The following UBE2D2 variants were observed in gnomAD, a reference collection of about 807,000 sequenced individuals.
The protein encoded by UBE2D2 is ubiquitin-conjugating enzyme E2 D2.
Under a neutral mutation model 24.2 loss-of-function variants are expected in UBE2D2, and 2 were observed. That is an observed-to-expected ratio of 0.08 (90% CI 0.03 to 0.26). The LOEUF (loss-of-function observed/expected upper bound fraction) is 0.26. Among genes scored for constraint, UBE2D2 ranks in the 10% least tolerant of loss-of-function variants. The pLI is 1.00. For synonymous variants in UBE2D2, 58 were observed against 56.5 expected (o/e 1.03, Z -0.12); for missense variants, 44 against 177.6 (o/e 0.25, Z 4.28).
At chr5:139,544,186 T>C (rs1731688553) in intron 1 of UBE2D2, among the ~76,000 whole-genome samples, 1 of 146,158 alleles carries the variant, frequency 6.8e-6, no homozygotes, top group African/African-American at 2.6e-5. Context: ...TTTTTTTTAA[T>C]AGAGATGAGG....
chr5:139,551,059 C>T (rs1455362000), intron 1 of UBE2D2, among the ~76,000 whole-genome samples: 3 of 152,194 alleles, frequency 2.0e-5, no homozygotes, highest in Admixed American at 6.6e-5. Flanking sequence ...GAATATTTCA[C>T]CGGCGGGGGA....
At chr5:139,562,182 T>G (rs1753116205) in intron 1 of UBE2D2, 1 of 1,362,176 alleles carries the variant, frequency 7.3e-7, no homozygotes, top group Non-Finnish European at 9.6e-7. Context: ...GGCGGCCCCT[T>G]CGACAGAGGT....
intron 1 of UBE2D2, among the ~76,000 whole-genome samples, chr5:139,539,796 C>T (rs1752732245): frequency 1.3e-5 from 2 of 150,664 alleles, no homozygotes; most frequent in Admixed American, 6.6e-5. Flanking sequence ...TGGGTTTCGC[C>T]ATGTTGGCCA....
At chr5:139,582,244 C>A (rs1753619055) in intron 1 of UBE2D2, among the ~76,000 whole-genome samples, 1 of 150,706 alleles carries the variant, frequency 6.6e-6, no homozygotes, top group African/African-American at 2.4e-5. Flanking sequence ...CTCCAAAGTG[C>A]TAGGATTATA....
At chr5:139,529,817 A>G (rs751833298) in intron 1 of UBE2D2, among the ~76,000 whole-genome samples, 12 of 152,164 alleles carry the variant, frequency 7.9e-5, no homozygotes, top group Non-Finnish European at 1.3e-4. Context: ...AGTACCTGAG[A>G]TTCCAGGAAA....
At chr5:139,554,643 A>T (rs1227823613) in intron 1 of UBE2D2, among the ~76,000 whole-genome samples, 5 of 152,178 alleles carry the variant, frequency 3.3e-5, no homozygotes, top group African/African-American at 1.2e-4. Context: ...ATATTTGTGT[A>T]CAACTCTTTT....
chr5:139,541,678 TG>T, intron 1 of UBE2D2, among the ~76,000 whole-genome samples: 1 of 144,400 alleles, frequency 6.9e-6, no homozygotes, highest in Non-Finnish European at 1.5e-5. Flanking sequence ...GTAGCTGAGG[TG>T]GGAGGATCAT....
intron 1 of UBE2D2, among the ~76,000 whole-genome samples, chr5:139,531,989 T>G (rs568021775): frequency 2.7e-5 from 4 of 148,164 alleles, no homozygotes; most frequent in South Asian, 2.2e-4. Flanking sequence ...CCTGGTTGTG[T>G]TTTTTTTTTA....
intron 1 of UBE2D2, among the ~76,000 whole-genome samples, chr5:139,576,828 C>G (rs1286756970): frequency 2.0e-5 from 3 of 151,820 alleles, no homozygotes; most frequent in African/African-American, 7.3e-5. Context: ...TTAATAGTCT[C>G]TCATGTCTAG....
intron 1 of UBE2D2, among the ~76,000 whole-genome samples, chr5:139,598,026 C>T (rs548123080): frequency 7.4e-4 from 112 of 152,244 alleles, no homozygotes; most frequent in African/African-American, 2.4e-3. Flanking sequence ...CTCAGCCTCC[C>T]GAGTAGCTGG....
At chr5:139,623,499 G>A (rs781331002) in intron 6 of UBE2D2, 38 bp downstream of exon 6, 1 of 1,520,052 alleles carries the variant, frequency 6.6e-7, no homozygotes, top group Non-Finnish European at 9.1e-7. Context: ...ATCTGTGGTG[G>A]GATGGAGATG....
intron 1 of UBE2D2, among the ~76,000 whole-genome samples, chr5:139,580,566 A>G (rs142814327): frequency 1.4e-4 from 21 of 152,230 alleles, no homozygotes; most frequent in East Asian, 9.7e-4. Context: ...GGTTTAAGCA[A>G]TTCTCCTGCC....
chr5:139,608,456 T>C (rs1005316705), intron 2 of UBE2D2, among the ~76,000 whole-genome samples: 3 of 151,742 alleles, frequency 2.0e-5, no homozygotes, highest in African/African-American at 7.3e-5. Context: ...AAGAAGGGTA[T>C]TCTGGGTATT....
intron 1 of UBE2D2, among the ~76,000 whole-genome samples, chr5:139,552,962 A>G (rs1476878732): frequency 2.6e-5 from 4 of 152,068 alleles, no homozygotes; most frequent in African/African-American, 9.7e-5. Context: ...GACTACAGGC[A>G]TGAGCCACCG....
intron 1 of UBE2D2, among the ~76,000 whole-genome samples, chr5:139,577,828 C>G (rs577306412): frequency 1.3e-4 from 20 of 152,346 alleles, no homozygotes; most frequent in African/African-American, 4.1e-4. Context: ...ACCACATTTT[C>G]TCAAGCTTCG....
chr5:139,557,423 G>A (rs933041093), upstream of UBE2D2, among the ~76,000 whole-genome samples: 2 of 151,960 alleles, frequency 1.3e-5, no homozygotes, highest in African/African-American at 4.8e-5. Context: ...ATGAAAATTT[G>A]GTGAAGATAT....
chr5:139,627,078 C>A lies in UBE2D2; in HGVS notation c.*277C>A. The A allele has an allele frequency of 2.9e-6, 1 of 343,938 alleles. No individual in the cohort carries two copies. Among genetic ancestry groups the A allele is most frequent in the Non-Finnish European group, 5.3e-6 (1 of 187,404 alleles). 21.3% of individuals were successfully genotyped at this position (343,938 alleles called of 1,614,324 possible). ...CCTAGGTGTGAGACTAAAAGCTTTT[C>A]TTATTGACTTAAATTTGGATAACAG... On this transcript the variant is annotated 3_prime_UTR_variant, in exon 7 of 7. Transcript: ENST00000398733.
intron 1 of UBE2D2, among the ~76,000 whole-genome samples, chr5:139,542,213 C>G (rs11742161): frequency 0.082 from 12,549 of 152,122 alleles, 648 homozygotes; most frequent in African/African-American, 0.12. Context: ...AGTGTGAATT[C>G]ACGAGTACCA....
At chr5:139,548,489 G>A (rs1446120587) in intron 1 of UBE2D2, among the ~76,000 whole-genome samples, 1 of 152,050 alleles carries the variant, frequency 6.6e-6, no homozygotes, top group East Asian at 1.9e-4. Context: ...AAAAGGAGTG[G>A]TTGAGGCCTC....
Sources: gnomAD v4.1 joint callset for allele counts (sites outside exome capture counted in the v4.1 genomes callset) on GRCh38, gnomAD v4.1.1 for gene constraint, MANE v1.5 for transcripts, NCBI Gene and HGNC (gene_info 2026-07-23, HGNC 2026-07-21) for gene names.